The following HPN variants were observed in gnomAD, a reference collection of about 807,000 sequenced individuals.
HPN encodes the protein hepsin.
In HPN, 13 loss-of-function variants were observed where a neutral mutation model predicts 55.9. The ratio of observed to expected loss-of-function variants is 0.23; its 90% CI spans 0.15 to 0.37. The LOEUF (loss-of-function observed/expected upper bound fraction) is 0.37, where lower values mean the gene tolerates loss of function less well. Among genes scored for constraint, HPN ranks in the 10% least tolerant of loss-of-function variants. The pLI is 1.00. For synonymous variants in HPN, 225 were observed against 240.3 expected (o/e 0.94, Z 0.59); for missense variants, 451 against 575.8 (o/e 0.78, Z 2.22).
At chr19:35,052,373 C>T (rs1568358281) in intron 4 of HPN, among the ~76,000 whole-genome samples, 1 of 152,054 alleles carries the variant, frequency 6.6e-6, no homozygotes, top group Non-Finnish European at 1.5e-5. Flanking sequence ...ACTAAAAACA[C>T]AAAAATTGGC....
At chr19:35,044,501 G>C (rs915076894) in intron 2 of HPN, among the ~76,000 whole-genome samples, 3 of 152,180 alleles carry the variant, frequency 2.0e-5, no homozygotes, top group African/African-American at 7.2e-5. Context: ...TTGGGGAAGA[G>C]CTGGCCAATT....
chr19:35,051,343 A>G (rs2064403374), intron 4 of HPN, among the ~76,000 whole-genome samples: 1 of 152,110 alleles, frequency 6.6e-6, no homozygotes, highest in Non-Finnish European at 1.5e-5. Flanking sequence ...TCCTGACCTC[A>G]GGTGATCCAC....
At chr19:35,059,511 C>T in intron 4 of HPN, 162 bp from the exon 5 acceptor site, 1 of 884,274 alleles carries the variant, frequency 1.1e-6, no homozygotes, top group Admixed American at 2.0e-5. Context: ...AGTCATGATT[C>T]CAGATGCAAT....
chr19:35,041,387 G>A (rs941758943), upstream of HPN, among the ~76,000 whole-genome samples: 24 of 152,098 alleles, frequency 1.6e-4, no homozygotes, highest in African/African-American at 5.8e-4. Flanking sequence ...ACGCAGAAAG[G>A]GCGGGGGGAA....
At position 35,057,980 on chromosome 19, in the gene HPN, A is replaced by G. The variant is rs369606627; in HGVS notation, c.161-1693A>G. 6.6e-5 allele frequency among the ~76,000 whole-genome samples: 10 copies of G among 151,882 alleles called. No homozygotes were observed. The East Asian group carries it at 2.0e-3, about 30-fold the overall frequency. On this transcript the variant is annotated intron_variant, in intron 4 of 12. Coordinates refer to ENST00000672452, the MANE Select transcript of HPN (RefSeq NM_001384133.1). ...AGCCTGGCCAACATGGTGAAACCCC[A>G]TCTCTACTTAAAATACAAAAAAATT...
intron 4 of HPN, among the ~76,000 whole-genome samples, chr19:35,053,043 G>A (rs958897928): frequency 6.6e-6 from 1 of 151,634 alleles, no homozygotes; most frequent in Non-Finnish European, 1.5e-5. Flanking sequence ...TTTTTTTCCT[G>A]GGATTTTCAC....
rs375110978 is a variant in HPN at position 35,066,437 on chromosome 19, C to T, written c.*150C>T. On this transcript the variant is annotated 3_prime_UTR_variant, in exon 13 of 13. Transcript: ENST00000672452. The stretch of plus-strand genomic sequence containing the variant: ...TCCAGGGTCCTCTCTTCCACAGTGG[C>T]GGGCCCACTCAGCCCCGAGACCACC... 30 of 1,069,872 alleles carry T rather than the reference C, an allele frequency of 2.8e-5. 1 individual carries two copies. The highest frequency in any genetic ancestry group is 2.6e-4 in the East Asian group (10 of 38,266). The allele number at this position is 1,069,872 out of a possible 1,614,324, so 66.3% of individuals were successfully genotyped here. A position where few individuals can be genotyped will look rare whatever the true frequency, so the allele number is the denominator to read the frequency against.
Position 35,065,603 on chromosome 19 carries a change from C to A in HPN, c.972C>A (p.Gly324=). The A allele has an allele frequency of 1.2e-6, 2 of 1,614,152 alleles. No homozygotes were observed. Among genetic ancestry groups the A allele is most frequent in the Non-Finnish European group, 1.7e-6 (2 of 1,179,998 alleles). ...TAATCAGCAATGATGTCTGCAATGG[C>A]GCTGACTTCTATGGAAACCAGATCA... The part of the protein sequence containing the change: ...VPIISNDVCN[G]ADFYGNQIKP... Residue 324 remains glycine, a synonymous_variant, in exon 11 of 13, where the codon GGC becomes GGA. Coordinates refer to ENST00000672452, the MANE Select transcript of HPN (RefSeq NM_001384133.1).
At chr19:35,046,898 G>A (rs954432152) in intron 2 of HPN, among the ~76,000 whole-genome samples, 17 of 151,886 alleles carry the variant, frequency 1.1e-4, no homozygotes, top group African/African-American at 3.6e-4. Flanking sequence ...GCGCGATCTC[G>A]GCTCACTGCA....
At position 35,050,403 on chromosome 19, in the gene HPN, T is replaced by C. The variant is rs1164185418; in HGVS notation, c.160+887T>C. 1.5e-5 allele frequency: 12 copies of C among 804,408 alleles called. No individual in the cohort carries two copies. In the African/African-American group the frequency reaches 2.2e-4, roughly 15 times the overall value. 49.8% of individuals were successfully genotyped at this position (804,408 alleles called of 1,614,324 possible). A position where few individuals can be genotyped will look rare whatever the true frequency, so the allele number is the denominator to read the frequency against. ...TCCCAAAGTGCTGGGATTACAGGCA[T>C]GAGCCACTGCGCCTGTCCCTGGTAA... On this transcript the variant is annotated intron_variant, in intron 4 of 12. Coordinates refer to ENST00000672452, the MANE Select transcript of HPN (RefSeq NM_001384133.1).
Position 35,066,381 on chromosome 19 carries a change from GCCCGGT to G in HPN, c.*97_*102del. The G allele has an allele frequency of 6.7e-7, 1 of 1,500,458 alleles. No homozygotes were observed. Among genetic ancestry groups the G allele is most frequent in the Non-Finnish European group, 9.0e-7 (1 of 1,113,414 alleles). The allele number at this position is 1,500,458 out of a possible 1,614,324, so 92.9% of individuals were successfully genotyped here. A position where few individuals can be genotyped will look rare whatever the true frequency, so the allele number is the denominator to read the frequency against. ...TAGGATGGGACGTTTTTCTTCTTGG[GCCCGGT>G]CCACAGGTCCAAGGACACCCTCCCT... On this transcript the variant is annotated 3_prime_UTR_variant, in exon 13 of 13. Coordinates refer to ENST00000672452, the MANE Select transcript of HPN (RefSeq NM_001384133.1).
intron 4 of HPN, among the ~76,000 whole-genome samples, chr19:35,053,705 A>G (rs1159197744): frequency 6.6e-6 from 1 of 152,218 alleles, no homozygotes; most frequent in Non-Finnish European, 1.5e-5. Flanking sequence ...AGATCGTGCC[A>G]CTGCACTCTA....
chr19:35,057,659 A>T (rs1361675238), intron 4 of HPN, among the ~76,000 whole-genome samples: 2 of 152,184 alleles, frequency 1.3e-5, no homozygotes, highest in African/African-American at 4.8e-5. Flanking sequence ...CAAGAGATAT[A>T]TTGAACAACA....
At chr19:35,049,231 C>G in intron 2 of HPN, 59 bp from the exon 3 acceptor site, 1 of 1,327,594 alleles carries the variant, frequency 7.5e-7, no homozygotes, top group Non-Finnish European at 1.0e-6. Flanking sequence ...GCCTCGGGCC[C>G]AGACCCTGCC....
At chr19:35,061,486 C>T (rs1568362666) in intron 9 of HPN, among the ~76,000 whole-genome samples, 1 of 151,770 alleles carries the variant, frequency 6.6e-6, no homozygotes, top group East Asian at 1.9e-4. Context: ...CCCAGCTACT[C>T]GGGAGGATGA....
chr19:35,045,162 G>C (rs563045109), intron 2 of HPN, among the ~76,000 whole-genome samples: 1 of 152,116 alleles, frequency 6.6e-6, no homozygotes, highest in Non-Finnish European at 1.5e-5. Flanking sequence ...ACCTGGAAGA[G>C]GGTCTAGGGC....
rs746005036 is a variant in HPN, at chr19:35,065,260, G to A, written c.822G>A (p.Gln274=). Residue 274 remains glutamine, a synonymous_variant, in exon 10 of 13, where the codon CAG becomes CAA. Coordinates refer to ENST00000672452, the MANE Select transcript of HPN (RefSeq NM_001384133.1). ...SSPLPLTEYI[Q]PVCLPAAGQA... Reference sequence around the variant, plus strand: ...TTGTCTCTCTCACAGAATACATCCAGCCTGTGTGCCTCCCAGCTGCCGGCC... The same window carrying A: ...TTGTCTCTCTCACAGAATACATCCAACCTGTGTGCCTCCCAGCTGCCGGCC... 2 of 1,613,230 alleles carry A rather than the reference G, an allele frequency of 1.2e-6. No individual in the cohort carries two copies. Among genetic ancestry groups the A allele is most frequent in the Admixed American group, 1.7e-5 (1 of 59,936 alleles).
intron 8 of HPN, 22 bp from the exon 9 acceptor site, chr19:35,060,605 C>A: frequency 6.2e-7 from 1 of 1,613,048 alleles, no homozygotes; most frequent in Non-Finnish European, 8.5e-7. Flanking sequence ...AGGTGGCCAC[C>A]CTCCACCCCT....
At position 35,066,050 on chromosome 19, in the gene HPN, A is replaced by G; in HGVS notation, c.1215+18A>G. Reference sequence around the variant, plus strand: ...CCATAAAGGTGAAAGTTGGGTCCAGATGGGAGCCAGGGTGGGGACGTTTGG... The same window carrying G: ...CCATAAAGGTGAAAGTTGGGTCCAGGTGGGAGCCAGGGTGGGGACGTTTGG... On this transcript the variant is annotated intron_variant, in intron 12 of 12. Transcript: ENST00000672452. The G allele has an allele frequency of 6.2e-7, 1 of 1,609,836 alleles. No individual in the cohort carries two copies. The highest frequency in any genetic ancestry group is 2.2e-5 in the East Asian group (1 of 44,882).
Sources: allele counts gnomAD v4.1 joint callset (sites outside exome capture counted in the v4.1 genomes callset), GRCh38; gene constraint gnomAD v4.1.1; transcripts MANE v1.5; gene names NCBI Gene and HGNC (gene_info 2026-07-23, HGNC 2026-07-21).